NFATC1: variants seen among roughly 807,000 people sequenced by gnomAD.
The protein encoded by NFATC1 is nuclear factor of activated T-cells, cytoplasmic 1.
A neutral mutation model predicts 76.0 loss-of-function variants in NFATC1; 22 were observed. That is an observed-to-expected ratio of 0.29 (90% CI 0.21 to 0.41). The LOEUF is 0.41. Among genes scored for constraint, NFATC1 ranks in the 10% least tolerant of loss-of-function variants. The pLI, the probability that NFATC1 is intolerant of heterozygous loss-of-function variation, is 1.00. For missense variants in NFATC1, 1,357 were observed against 1,337.7 expected, an observed-to-expected ratio of 1.01 and a Z score of -0.23; for synonymous variants, 704 against 613.1, an observed-to-expected ratio of 1.15 and a Z score of -2.19.
chr18:79,467,480 C>T lies in NFATC1; in HGVS notation c.1990C>T (p.Arg664Trp), dbSNP rs199929013. The T allele has an allele frequency of 1.2e-4, 200 of 1,609,260 alleles. No individual in the cohort carries two copies. The highest frequency in any genetic ancestry group is 1.3e-4 in the Non-Finnish European group (158 of 1,176,602). The stretch of plus-strand genomic sequence containing the variant: ...TCTGGTGGTTGAGATCCCGCCATTT[C>T]GGAATCAGAGGATAACCAGCCCCGT... Reference protein sequence around the residue: ...NSLVVEIPPFRNQRITSPVHV... With the variant: ...NSLVVEIPPFWNQRITSPVHV... Residue 664 changes from arginine (R) to tryptophan (W), a missense_variant, in exon 8 of 10, where the codon CGG (arginine) becomes TGG (tryptophan). Transcript: ENST00000427363.
intron 7 of NFATC1, among the ~76,000 whole-genome samples, chr18:79,462,594 G>A (rs1015939137): frequency 1.3e-5 from 2 of 152,192 alleles, no homozygotes; most frequent in Admixed American, 6.5e-5. Flanking sequence ...ATGAGCCACC[G>A]TGCCCGGCCT....
At chr18:79,491,130 G>A (rs1600907627) in intron 9 of NFATC1, among the ~76,000 whole-genome samples, 1 of 152,164 alleles carries the variant, frequency 6.6e-6, no homozygotes, top group Admixed American at 6.5e-5. Flanking sequence ...AATGTGGGTA[G>A]TCCTTGTTTA....
chr18:79,441,878 T>G (rs936964657), intron 3 of NFATC1, among the ~76,000 whole-genome samples: 1 of 152,072 alleles, frequency 6.6e-6, no homozygotes, highest in Non-Finnish European at 1.5e-5. Flanking sequence ...GATTAATTGA[T>G]TAGATTTAAT....
At chr18:79,430,303 C>T (rs1026269892) in intron 2 of NFATC1, among the ~76,000 whole-genome samples, 1 of 152,146 alleles carries the variant, frequency 6.6e-6, no homozygotes, top group Non-Finnish European at 1.5e-5. Context: ...CCTCCTCTCT[C>T]CTCTCTCTCG....
chr18:79,494,677 G>A (rs572479353), intron 9 of NFATC1, among the ~76,000 whole-genome samples: 2 of 91,396 alleles, frequency 2.2e-5, no homozygotes, highest in African/African-American at 9.0e-5. Flanking sequence ...GGGGGAAGGC[G>A]AGAGCGGGCA....
At chr18:79,450,614 C>G (rs921639547) in intron 4 of NFATC1, among the ~76,000 whole-genome samples, 2 of 152,128 alleles carry the variant, frequency 1.3e-5, no homozygotes, top group Non-Finnish European at 2.9e-5. Flanking sequence ...TGGAGGCAGC[C>G]AGGACTTGGG....
chr18:79,412,529 A>G (rs1321348860), intron 2 of NFATC1, among the ~76,000 whole-genome samples: 1 of 151,122 alleles, frequency 6.6e-6, no homozygotes, highest in Non-Finnish European at 1.5e-5. Flanking sequence ...GGGCAGGTGC[A>G]GCCCCCATGC....
At position 79,445,563 on chromosome 18, in the gene NFATC1, G is replaced by A. The variant is rs567720926; in HGVS notation, c.1387-3219G>A. Among the ~76,000 whole-genome samples, 16 of 152,366 alleles carry A rather than the reference G, an allele frequency of 1.1e-4. No homozygotes were observed. In the South Asian group the frequency reaches 2.5e-3, roughly 24 times the overall value. On this transcript the variant is annotated intron_variant, in intron 3 of 9. Coordinates refer to ENST00000427363, the MANE Select transcript of NFATC1 (RefSeq NM_001278669.2). Reference sequence around the variant, plus strand: ...GGACCCTAGACGCTGTTCACACAGCGTGGCAATCTCTCAAATTAATCCAGC... The same window carrying A: ...GGACCCTAGACGCTGTTCACACAGCATGGCAATCTCTCAAATTAATCCAGC...
intron 9 of NFATC1, among the ~76,000 whole-genome samples, chr18:79,490,279 C>G (rs1210636296): frequency 6.6e-6 from 1 of 151,304 alleles, no homozygotes; most frequent in Non-Finnish European, 1.5e-5. Context: ...GTGGGGTGGT[C>G]CCTGGTGCAG....
rs1282899562 is a variant in NFATC1 at position 79,396,348 on chromosome 18, G to A, written c.124G>A (p.Glu42Lys). The A allele has an allele frequency of 2.5e-5, 35 of 1,375,920 alleles. No individual in the cohort carries two copies. The highest frequency in any genetic ancestry group is 1.7e-4 in the East Asian group (5 of 29,654). 85.2% of individuals were successfully genotyped at this position (1,375,920 alleles called of 1,614,324 possible). A position where few individuals can be genotyped will look rare whatever the true frequency, so the allele number is the denominator to read the frequency against. The stretch of plus-strand genomic sequence containing the variant: ...CGGCGGCACCATGAAGTCAGCGGAG[G>A]AAGGTAAGCCCCGCGCGGCCTCCGC... The part of the protein sequence containing the change: ...RAGGTMKSAE[E>K]EHYGYASSNV... Residue 42 changes from glutamate (E) to lysine (K), a missense_variant, in exon 1 of 10, where the codon GAA becomes AAA. By Grantham distance (56) the Glu-to-Lys change is moderately conservative. Coordinates refer to ENST00000427363, the MANE Select transcript of NFATC1 (RefSeq NM_001278669.2).
intron 3 of NFATC1, 195 bp from the exon 4 acceptor site, chr18:79,448,587 C>T (rs1392395585): frequency 4.9e-6 from 3 of 613,334 alleles, no homozygotes; most frequent in Middle Eastern, 4.3e-4. Context: ...AACTCAGTGC[C>T]CAGGTCCATT....
intron 9 of NFATC1, among the ~76,000 whole-genome samples, chr18:79,514,714 G>A (rs899172983): frequency 6.6e-6 from 1 of 151,768 alleles, no homozygotes; most frequent in African/African-American, 2.4e-5. Flanking sequence ...CAGATTCTCT[G>A]GTAAGAGGAA....
intron 2 of NFATC1, among the ~76,000 whole-genome samples, chr18:79,424,620 T>TGTCTCTCC (rs1481636584): frequency 2.6e-5 from 4 of 152,082 alleles, no homozygotes; most frequent in African/African-American, 4.8e-5. Context: ...TCTGTCTCTC[T>TGTCTCTCC]GTCTCTCCGT....
intron 7 of NFATC1, among the ~76,000 whole-genome samples, chr18:79,464,694 A>ATATATT (rs1568994689): frequency 1.9e-5 from 2 of 106,708 alleles, no homozygotes; most frequent in African/African-American, 9.8e-5. Flanking sequence ...ATATATATAT[A>ATATATT]TTTATTTATT....
intron 2 of NFATC1, among the ~76,000 whole-genome samples, chr18:79,429,752 G>T (rs139032893): frequency 6.6e-6 from 1 of 152,198 alleles, no homozygotes; most frequent in Non-Finnish European, 1.5e-5. Context: ...TTAATTGTCT[G>T]GATTATGATA....
chr18:79,404,222 A>G (rs575131662), intron 1 of NFATC1, among the ~76,000 whole-genome samples: 1 of 152,358 alleles, frequency 6.6e-6, no homozygotes, highest in Non-Finnish European at 1.5e-5. Context: ...CCCGGGCTGG[A>G]CGAAGGACCC....
At chr18:79,425,682 T>G (rs539756804) in intron 2 of NFATC1, among the ~76,000 whole-genome samples, 1 of 152,200 alleles carries the variant, frequency 6.6e-6, no homozygotes, top group South Asian at 2.1e-4. Context: ...GGGCGACTCA[T>G]GAGGAGAGTG....
intron 1 of NFATC1, chr18:79,400,551 C>T (rs1384379780): frequency 1.6e-6 from 2 of 1,241,954 alleles, no homozygotes; most frequent in African/African-American, 3.2e-5. Context: ...GCCCCCTCCG[C>T]GTCCTCGTCG....
intron 9 of NFATC1, 80 bp downstream of exon 9, chr18:79,487,017 C>T (rs925522544): frequency 1.3e-4 from 186 of 1,443,178 alleles, no homozygotes; most frequent in East Asian, 2.6e-4. Flanking sequence ...GTGCGTGCTG[C>T]GTGTGTGGCA....
Sources: gnomAD v4.1 joint callset for allele counts (sites outside exome capture counted in the v4.1 genomes callset) on GRCh38, gnomAD v4.1.1 for gene constraint, MANE v1.5 for transcripts, NCBI Gene and HGNC (gene_info 2026-07-23, HGNC 2026-07-21) for gene names.